The following VWA3B variants were observed in gnomAD, a reference collection of about 807,000 sequenced individuals.
VWA3B encodes von Willebrand factor A domain-containing protein 3B.
In VWA3B, 138 loss-of-function variants were observed where a neutral mutation model predicts 158.3. The ratio of observed to expected loss-of-function variants is 0.87; its 90% CI spans 0.76 to 1.00. VWA3B has a LOEUF of 1.00. Ranked by LOEUF, VWA3B falls within the 50% of genes least tolerant of loss-of-function variation. VWA3B has a pLI of 0.00. For missense variants in VWA3B, 1,555 were observed against 1,565.1 expected (o/e 0.99, Z 0.11); for synonymous variants, 596 against 587.3 (o/e 1.01, Z -0.21).
chr2:98,172,475 G>A (rs1250587390), intron 8 of VWA3B, among the ~76,000 whole-genome samples: 2 of 152,184 alleles, frequency 1.3e-5, no homozygotes, highest in South Asian at 2.1e-4. Flanking sequence ...ACAGAATGGG[G>A]GCGTGACAGG....
At chr2:98,215,397 C>T (rs564337076) in intron 13 of VWA3B, among the ~76,000 whole-genome samples, 17 of 149,084 alleles carry the variant, frequency 1.1e-4, no homozygotes, top group South Asian at 8.5e-4. Flanking sequence ...GCCGAGATCG[C>T]GCCACTGCAC....
intron 12 of VWA3B, among the ~76,000 whole-genome samples, chr2:98,202,741 G>A (rs1273451403): frequency 6.6e-6 from 1 of 152,074 alleles, no homozygotes; most frequent in Non-Finnish European, 1.5e-5. Context: ...TTTTCTAGAA[G>A]TTTTATAATT....
At chr2:98,114,611 C>T (rs1321126807) in intron 2 of VWA3B, among the ~76,000 whole-genome samples, 1 of 152,180 alleles carries the variant, frequency 6.6e-6, no homozygotes, top group African/African-American at 2.4e-5. Flanking sequence ...CAAGTACCAC[C>T]ATTCTGTCTC....
intron 9 of VWA3B, among the ~76,000 whole-genome samples, chr2:98,182,328 C>G (rs1680662202): frequency 6.6e-6 from 1 of 152,200 alleles, no homozygotes; most frequent in South Asian, 2.1e-4. Context: ...CCACTGAGCC[C>G]TACATGCCCT....
chr2:98,138,750 G>C (rs1676484528), intron 7 of VWA3B, among the ~76,000 whole-genome samples: 1 of 152,206 alleles, frequency 6.6e-6, no homozygotes, highest in Non-Finnish European at 1.5e-5. Context: ...CAGAATCCCA[G>C]GGCCCCAAAA....
At chr2:98,161,049 G>A (rs114624332) in intron 7 of VWA3B, among the ~76,000 whole-genome samples, 223 of 152,286 alleles carry the variant, frequency 1.5e-3, no homozygotes, top group Admixed American at 2.7e-3. Flanking sequence ...CTTTGGCCCC[G>A]GGTGGATGAG....
chr2:98,195,418 T>C (rs1681959045), intron 12 of VWA3B, among the ~76,000 whole-genome samples: 1 of 152,358 alleles, frequency 6.6e-6, no homozygotes, highest in Non-Finnish European at 1.5e-5. Flanking sequence ...CCTTGTGACT[T>C]GTTTTTAAAA....
chr2:98,179,814 CTTTCTTTCTTTCTT>C (rs1405531840), intron 8 of VWA3B, among the ~76,000 whole-genome samples: 35 of 111,614 alleles, frequency 3.1e-4, no homozygotes, highest in Non-Finnish European at 3.4e-4. Flanking sequence ...TTCTTTCTTT[CTTTCTTTCTTTCTT>C]TTTCTTTCTT....
chr2:98,201,913 T>G (rs1682575910), intron 12 of VWA3B, among the ~76,000 whole-genome samples: 1 of 152,208 alleles, frequency 6.6e-6, no homozygotes, highest in African/African-American at 2.4e-5. Context: ...CTGCATTAAA[T>G]TTGTTAACCT....
chr2:98,224,203 A>T lies in VWA3B; in HGVS notation c.2020-3999A>T, dbSNP rs1368711404. On this transcript the variant is annotated intron_variant, in intron 14 of 27. Transcript: ENST00000477737. ...TGGAGCATCAGAAAGAAAAGAAGAGATTATAAAAGAAATAATTGGAGCATC... is the reference window on the plus strand; with the variant it reads ...TGGAGCATCAGAAAGAAAAGAAGAGTTTATAAAAGAAATAATTGGAGCATC... Among the ~76,000 whole-genome samples, 4 of 152,292 alleles carry T rather than the reference A, an allele frequency of 2.6e-5. No homozygotes were observed. The East Asian group carries it at 7.7e-4, about 29-fold the overall frequency.
chr2:98,164,983 T>C (rs1191340725), intron 8 of VWA3B, among the ~76,000 whole-genome samples: 2 of 152,178 alleles, frequency 1.3e-5, no homozygotes, highest in African/African-American at 2.4e-5. Flanking sequence ...ACAACGACTA[T>C]CATAATCTTG....
At chr2:98,183,677 G>T (rs1574013719) in intron 9 of VWA3B, among the ~76,000 whole-genome samples, 1 of 152,140 alleles carries the variant, frequency 6.6e-6, no homozygotes, top group Non-Finnish European at 1.5e-5. Flanking sequence ...AATATTTATG[G>T]AGCCCCTGCT....
intron 19 of VWA3B, among the ~76,000 whole-genome samples, chr2:98,244,134 G>A (rs1189947453): frequency 6.6e-6 from 1 of 152,096 alleles, no homozygotes; most frequent in African/African-American, 2.4e-5. Flanking sequence ...TGTATTCTGT[G>A]TTCTTAATTT....
chr2:98,128,760 C>T (rs1047532571), intron 6 of VWA3B, among the ~76,000 whole-genome samples: 4 of 152,190 alleles, frequency 2.6e-5, no homozygotes, highest in South Asian at 2.1e-4. Flanking sequence ...CACTTAGAAC[C>T]GCTGTTCTCT....
At chr2:98,296,506 AT>A (rs1431314172) in intron 23 of VWA3B, among the ~76,000 whole-genome samples, 6 of 152,166 alleles carry the variant, frequency 3.9e-5, no homozygotes, top group African/African-American at 1.2e-4. Context: ...GAGTGTGCAT[AT>A]TTTTCAAAAA....
intron 6 of VWA3B, among the ~76,000 whole-genome samples, chr2:98,129,608 C>T (rs1181029150): frequency 6.6e-6 from 1 of 152,084 alleles, no homozygotes; most frequent in Non-Finnish European, 1.5e-5. Flanking sequence ...TTTTCAATGG[C>T]AGTAGGCTCC....
chr2:98,188,040 TGGGAGC>T lies in VWA3B; in HGVS notation c.1378_1383del (p.Gly460_Ser461del). The T allele has an allele frequency of 6.2e-7, 1 of 1,614,062 alleles. No individual in the cohort carries two copies. Among genetic ancestry groups the T allele is most frequent in the South Asian group, 1.1e-5 (1 of 91,058 alleles). Reference sequence around the variant, plus strand: ...GGTTTGTCCATGCTCCCTGGAAGGATGGGAGCTTGGTCCACGTCAACATTACCAAAG... The same window carrying T: ...GGTTTGTCCATGCTCCCTGGAAGGATTTGGTCCACGTCAACATTACCAAAG... On this transcript the variant is annotated inframe_deletion, in exon 10 of 28. Coordinates refer to ENST00000477737, the MANE Select transcript of VWA3B (RefSeq NM_144992.5).
intron 2 of VWA3B, among the ~76,000 whole-genome samples, chr2:98,098,210 A>G (rs1047977576): frequency 4.6e-5 from 7 of 152,020 alleles, no homozygotes; most frequent in Non-Finnish European, 8.8e-5. Context: ...GTTGGGTAGA[A>G]TGTTCTGTGT....
At chr2:98,255,279 G>A (rs1247254524) in intron 20 of VWA3B, among the ~76,000 whole-genome samples, 18 of 125,500 alleles carry the variant, frequency 1.4e-4, no homozygotes, top group Admixed American at 5.8e-4. Context: ...TGATCCGCCC[G>A]CCTCGGCCTC....
Sources: allele counts gnomAD v4.1 joint callset (sites outside exome capture counted in the v4.1 genomes callset), GRCh38; gene constraint gnomAD v4.1.1; transcripts MANE v1.5; gene names NCBI Gene and HGNC (gene_info 2026-07-23, HGNC 2026-07-21).